Variants in TRMT11 observed in about 807,000 individuals in gnomAD.
TRMT11 encodes the protein tRNA (guanine(10)-N(2))-methyltransferase TRMT11.
TRMT11 carries 53 observed loss-of-function variants against 62.8 expected under a neutral mutation model. That is an observed-to-expected ratio of 0.84 (90% CI 0.68 to 1.06). TRMT11 has a LOEUF of 1.06. Among genes scored for constraint, TRMT11 ranks in the 50% least tolerant of loss-of-function variants. The probability of loss-of-function intolerance (pLI) is 0.00; values close to 1 mark genes in which losing one functional copy is unlikely to be tolerated. For synonymous variants in TRMT11, 188 were observed against 190.3 expected, an observed-to-expected ratio of 0.99 and a Z score of 0.10; for missense variants, 556 against 553.4, an observed-to-expected ratio of 1.00 and a Z score of -0.05.
the TRMT11 span, among the ~76,000 whole-genome samples, chr6:126,250,202 C>T: frequency 1.3e-5 from 2 of 152,052 alleles, no homozygotes. Context: ...AGATAAAGAA[C>T]CAAGATTTCA....
the TRMT11 span, among the ~76,000 whole-genome samples, chr6:126,239,876 G>A: frequency 1.3e-5 from 2 of 152,196 alleles, no homozygotes; most frequent in African/African-American, 4.8e-5. Context: ...TTTTCACATA[G>A]TCCTATATTT....
chr6:126,061,165 A>G (rs1296391553), intron 17 of TRMT11, among the ~76,000 whole-genome samples: 1 of 152,216 alleles, frequency 6.6e-6, no homozygotes, highest in Non-Finnish European at 1.5e-5. Context: ...AGCACATCTG[A>G]AGCCCCAGAG....
chr6:126,214,883 T>C, the TRMT11 span, among the ~76,000 whole-genome samples: 1 of 152,008 alleles, frequency 6.6e-6, no homozygotes, highest in African/African-American at 2.4e-5. Context: ...ATGAGCTTTC[T>C]CTTAGTACTG....
chr6:126,001,110 A>G (rs1792402731), intron 7 of TRMT11, among the ~76,000 whole-genome samples: 1 of 152,134 alleles, frequency 6.6e-6, no homozygotes, highest in South Asian at 2.1e-4. Flanking sequence ...GAATGAGGAT[A>G]TATTCTTCTA....
chr6:125,998,949 G>GT (rs200462747), intron 6 of TRMT11, among the ~76,000 whole-genome samples: 1,558 of 138,466 alleles, frequency 0.011, 5 homozygotes, highest in Non-Finnish European at 0.014. Flanking sequence ...CATCTGGACT[G>GT]TTTTTTTTTT....
intron 17 of TRMT11, among the ~76,000 whole-genome samples, chr6:126,108,806 C>G (rs1777494238): frequency 6.6e-6 from 1 of 152,146 alleles, no homozygotes; most frequent in Admixed American, 6.6e-5. Flanking sequence ...GTACAACTGG[C>G]TCTTGAATTT....
chr6:126,197,696 A>G (rs1408026369), intron 1 of TRMT11, among the ~76,000 whole-genome samples: 5 of 152,180 alleles, frequency 3.3e-5, no homozygotes, highest in Admixed American at 6.5e-5. Flanking sequence ...CAGCTTTGTT[A>G]TATCATTGAC....
intron 21 of TRMT11, among the ~76,000 whole-genome samples, chr6:126,147,850 A>G (rs1777991251): frequency 6.6e-6 from 1 of 151,872 alleles, no homozygotes; most frequent in African/African-American, 2.4e-5. Flanking sequence ...GAACAATGAG[A>G]ACACATGGAC....
the TRMT11 span, among the ~76,000 whole-genome samples, chr6:126,227,590 C>A: frequency 6.6e-6 from 1 of 152,166 alleles, no homozygotes; most frequent in East Asian, 1.9e-4. Context: ...GGTCCTTAAT[C>A]CCACTTTCCC....
At chr6:126,153,996 T>G (rs979935423) in intron 21 of TRMT11, among the ~76,000 whole-genome samples, 10 of 152,172 alleles carry the variant, frequency 6.6e-5, no homozygotes, top group Non-Finnish European at 1.0e-4. Context: ...TGTGCGGTCT[T>G]ACGTGTTTGA....
At chr6:126,083,888 C>A (rs1777186766) in intron 17 of TRMT11, among the ~76,000 whole-genome samples, 1 of 152,102 alleles carries the variant, frequency 6.6e-6, no homozygotes, top group South Asian at 2.1e-4. Flanking sequence ...TAATGTTCTC[C>A]AGTCTGATGC....
intron 21 of TRMT11, among the ~76,000 whole-genome samples, chr6:126,160,230 C>A (rs1399540027): frequency 6.6e-6 from 1 of 152,064 alleles, no homozygotes; most frequent in Non-Finnish European, 1.5e-5. Context: ...TTTTGGAGGT[C>A]ACAATTCACC....
chr6:126,083,294 A>G (rs1230644323), intron 17 of TRMT11, among the ~76,000 whole-genome samples: 1 of 152,112 alleles, frequency 6.6e-6, no homozygotes, highest in African/African-American at 2.4e-5. Context: ...TTCTGCCTGG[A>G]GTACTGTTCA....
intron 16 of TRMT11, among the ~76,000 whole-genome samples, chr6:126,052,520 G>T (rs1216605083): frequency 6.6e-6 from 1 of 151,956 alleles, no homozygotes; most frequent in Non-Finnish European, 1.5e-5. Flanking sequence ...ATTAAAAAAT[G>T]CTTGGCCAAA....
At chr6:126,044,892 T>C (rs532984148) in intron 16 of TRMT11, among the ~76,000 whole-genome samples, 45 of 151,730 alleles carry the variant, frequency 3.0e-4, no homozygotes, top group African/African-American at 1.1e-3. Flanking sequence ...ATTGTTAAAA[T>C]GCTGATTATC....
At chr6:126,226,130 A>G in the TRMT11 span, among the ~76,000 whole-genome samples, 2 of 152,226 alleles carry the variant, frequency 1.3e-5, no homozygotes, top group African/African-American at 4.8e-5. Context: ...AAAACCCAAA[A>G]CTAGCATTTA....
chr6:126,127,145 A>G (rs1777727929), intron 21 of TRMT11, among the ~76,000 whole-genome samples: 2 of 152,126 alleles, frequency 1.3e-5, no homozygotes, highest in African/African-American at 4.8e-5. Flanking sequence ...TGCCATGCAT[A>G]CCACCAAAGG....
At chr6:126,073,408 A>G (rs923825395) in intron 17 of TRMT11, among the ~76,000 whole-genome samples, 3 of 152,190 alleles carry the variant, frequency 2.0e-5, no homozygotes, top group African/African-American at 7.2e-5. Flanking sequence ...CACGCCAAAT[A>G]CATATTGATA....
Position 126,039,225 on chromosome 6 carries a change from G to C in TRMT11, c.*389G>C, listed in dbSNP as rs890763755. ...GGTAGATATGTTTATTTGGTTTTTG[G>C]TTGTCATCGATTTACATTGCCACTA... is the stretch of plus-strand genomic sequence containing the variant. On this transcript the variant is annotated 3_prime_UTR_variant, in exon 13 of 13. Transcript: ENST00000334379. 6.5e-6 allele frequency: 1 copy of C among 153,324 alleles called. No homozygotes were observed. Among genetic ancestry groups the C allele is most frequent in the African/African-American group, 2.4e-5 (1 of 41,402 alleles). The allele number at this position is 153,324 out of a possible 1,614,324, so 9.5% of individuals were successfully genotyped here. A position where few individuals can be genotyped will look rare whatever the true frequency, so the allele number is the denominator to read the frequency against.
Sources: allele counts gnomAD v4.1 joint callset (sites outside exome capture counted in the v4.1 genomes callset), GRCh38; gene constraint gnomAD v4.1.1; transcripts MANE v1.5; gene names NCBI Gene and HGNC (gene_info 2026-07-23, HGNC 2026-07-21).